Variants in NTM observed in about 807,000 individuals in gnomAD.
NTM encodes the protein IgLON family member 2.
In NTM, 13 loss-of-function variants were observed where a neutral mutation model predicts 42.1. That is an observed-to-expected ratio of 0.31 (90% CI 0.20 to 0.49). NTM has a LOEUF of 0.49. Among genes scored for constraint, NTM ranks in the 20% least tolerant of loss-of-function variants. The pLI is 0.99. For missense variants in NTM, 373 were observed against 452.8 expected (o/e 0.82, Z 1.60); for synonymous variants, 187 against 179.2 (o/e 1.04, Z -0.35).
chr11:131,957,981 C>T (rs192454278), intron 2 of NTM, among the ~76,000 whole-genome samples: 288 of 152,138 alleles, frequency 1.9e-3, no homozygotes, highest in Admixed American at 0.014. Flanking sequence ...CAGAAGAAGC[C>T]GCAGGCTTCA....
intron 4 of NTM, among the ~76,000 whole-genome samples, chr11:132,265,784 TAAC>T (rs1269915153): frequency 6.6e-6 from 1 of 152,200 alleles, no homozygotes; most frequent in African/African-American, 2.4e-5. Context: ...TCATTTCTAA[TAAC>T]AACCTGAATG....
At chr11:132,022,643 A>C (rs1478437909) in intron 2 of NTM, among the ~76,000 whole-genome samples, 1 of 152,244 alleles carries the variant, frequency 6.6e-6, no homozygotes, top group Non-Finnish European at 1.5e-5. Flanking sequence ...GTCAAAAGAC[A>C]GTCCCTAATC....
At chr11:132,044,730 G>A (rs1237101972) in intron 2 of NTM, among the ~76,000 whole-genome samples, 1 of 152,128 alleles carries the variant, frequency 6.6e-6, no homozygotes, top group East Asian at 1.9e-4. Context: ...ATGGGACACT[G>A]CCTAGTGGAA....
intron 2 of NTM, among the ~76,000 whole-genome samples, chr11:131,985,601 C>T (rs1441703850): frequency 6.6e-6 from 1 of 152,176 alleles, no homozygotes; most frequent in Non-Finnish European, 1.5e-5. Context: ...TCCAAGATCA[C>T]CACGAGTCTT....
At chr11:132,133,514 A>G (rs1233486730) in intron 2 of NTM, among the ~76,000 whole-genome samples, 2 of 152,194 alleles carry the variant, frequency 1.3e-5, no homozygotes, top group African/African-American at 4.8e-5. Flanking sequence ...CCTGAAGTGA[A>G]GTTTAAGGGG....
intron 1 of NTM, among the ~76,000 whole-genome samples, chr11:131,504,934 A>C (rs1408854221): frequency 6.6e-6 from 1 of 152,000 alleles, no homozygotes; most frequent in Non-Finnish European, 1.5e-5. Flanking sequence ...TTCTTTTCAG[A>C]ATCAACACAC....
In NTM at chr11:131,699,474, G is replaced by C. The variant is rs576161883; in HGVS notation, c.83-212090G>C. ...TCAAATACAGATGAATGGCACAAAA[G>C]GCTTTCTGTAGGACATTCATATAGA... On this transcript the variant is annotated intron_variant, in intron 1 of 8. Coordinates refer to ENST00000683400, the MANE Select transcript of NTM (RefSeq NM_001352005.2). Among the ~76,000 whole-genome samples, 6 of 152,264 alleles carry C rather than the reference G, an allele frequency of 3.9e-5. No individual in the cohort carries two copies. The East Asian group carries it at 9.7e-4, about 25-fold the overall frequency.
At chr11:132,134,263 A>G (rs975645417) in intron 2 of NTM, among the ~76,000 whole-genome samples, 2 of 151,886 alleles carry the variant, frequency 1.3e-5, no homozygotes, top group African/African-American at 4.8e-5. Flanking sequence ...CCTAGGGGGA[A>G]CACCTTCTCA....
intron 1 of NTM, among the ~76,000 whole-genome samples, chr11:131,557,803 A>G (rs2055657945): frequency 6.6e-6 from 1 of 152,090 alleles, no homozygotes; most frequent in African/African-American, 2.4e-5. Context: ...TCATGGCTGT[A>G]TCTCTGAGAA....
intron 1 of NTM, among the ~76,000 whole-genome samples, chr11:131,562,472 C>A (rs536403679): frequency 6.6e-6 from 1 of 152,028 alleles, no homozygotes; most frequent in Non-Finnish European, 1.5e-5. Flanking sequence ...CTAAGCCAGG[C>A]GTGGAGGGGA....
rs377739708 is a variant in NTM, at chr11:131,432,839, C to CTTTTTTTTTTTTTTTTTTTTTTT, written c.82+61961_82+61983dup. 7.1e-4 allele frequency among the ~76,000 whole-genome samples: 49 copies of CTTTTTTTTTTTTTTTTTTTTTTT among 68,702 alleles called. 6 individuals carry two copies. The highest frequency in any genetic ancestry group is 7.7e-4 in the Admixed American group (4 of 5,176). The allele number at this position is 68,702 out of a possible 152,430, so 45.1% of individuals were successfully genotyped here. ...CTACAAAAGATGAAGATTTAGCATT[C>CTTTTTTTTTTTTTTTTTTTTTTT]TTTTTTTTTTTTTTTTTTTTTTTTT... On this transcript the variant is annotated intron_variant, in intron 1 of 8. Coordinates refer to ENST00000683400, the MANE Select transcript of NTM (RefSeq NM_001352005.2).
At chr11:131,500,567 ATATATATATATTTT>A (rs1174614973) in intron 1 of NTM, among the ~76,000 whole-genome samples, 13 of 27,096 alleles carry the variant, frequency 4.8e-4, no homozygotes, top group South Asian at 1.8e-3. Context: ...ATATATATAT[ATATATATATATTTT>A]TTTTTTTTTT....
intron 1 of NTM, among the ~76,000 whole-genome samples, chr11:131,842,206 G>A (rs1172448435): frequency 6.6e-6 from 1 of 152,188 alleles, no homozygotes; most frequent in Admixed American, 6.5e-5. Flanking sequence ...GTCAGATCTT[G>A]CAAACCATTT....
chr11:131,402,488 C>G (rs1477564293), intron 1 of NTM, among the ~76,000 whole-genome samples: 3 of 150,756 alleles, frequency 2.0e-5, no homozygotes, highest in Non-Finnish European at 1.5e-5. Flanking sequence ...GTCAAAGAAA[C>G]AAGAAACTAA....
At chr11:131,393,599 C>A (rs1057316229) in intron 1 of NTM, among the ~76,000 whole-genome samples, 1 of 152,194 alleles carries the variant, frequency 6.6e-6, no homozygotes, top group Non-Finnish European at 1.5e-5. Context: ...CTCCTACTGC[C>A]CCCACCACCA....
In NTM at chr11:132,002,768, A is replaced by G. The variant is rs2069616028; in HGVS notation, c.167+91120A>G. ...ACTTCCTTACTCTGTCTCTTTATCAATAAACTCATTGGGAAAAGTGGAGGA... is the reference window on the plus strand; with the variant it reads ...ACTTCCTTACTCTGTCTCTTTATCAGTAAACTCATTGGGAAAAGTGGAGGA... On this transcript the variant is annotated intron_variant, in intron 2 of 8. Coordinates refer to ENST00000683400, the MANE Select transcript of NTM (RefSeq NM_001352005.2). This position sits in a 1 kb window ranked among gnomAD's most constrained non-coding sequence, Gnocchi z 4.5. Among the ~76,000 whole-genome samples the G allele has an allele frequency of 6.6e-6, 1 of 152,176 alleles. No individual in the cohort carries two copies. The highest frequency in any genetic ancestry group is 1.5e-5 in the Non-Finnish European group (1 of 68,036).
intron 2 of NTM, among the ~76,000 whole-genome samples, chr11:132,101,952 C>T (rs2136567274): frequency 6.6e-6 from 1 of 152,326 alleles, no homozygotes. Flanking sequence ...AACCTGATCT[C>T]TCCTCCCTAC....
chr11:131,852,972 A>T (rs529419006), intron 1 of NTM, among the ~76,000 whole-genome samples: 1 of 149,976 alleles, frequency 6.7e-6, no homozygotes, highest in Non-Finnish European at 1.5e-5. Context: ...CCATCCACCC[A>T]TTTATTCACC....
At chr11:131,463,798 A>G (rs1951632738) in intron 1 of NTM, among the ~76,000 whole-genome samples, 1 of 152,204 alleles carries the variant, frequency 6.6e-6, no homozygotes, top group Admixed American at 6.5e-5. Context: ...CCGAAGCCGC[A>G]GTGCCAGGCT....
Sources: allele counts gnomAD v4.1 joint callset (sites outside exome capture counted in the v4.1 genomes callset), GRCh38; gene constraint gnomAD v4.1.1; non-coding constraint Gnocchi (gnomAD v3.1); transcripts MANE v1.5; gene names NCBI Gene and HGNC (gene_info 2026-07-23, HGNC 2026-07-21).